COL19A1: variants seen among roughly 807,000 people sequenced by gnomAD.
COL19A1 encodes the protein collagen alpha-1(XIX) chain.
COL19A1 carries 159 observed loss-of-function variants against 190.2 expected under a neutral mutation model. The ratio of observed to expected loss-of-function variants is 0.84; its 90% confidence interval spans 0.73 to 0.95. The LOEUF (loss-of-function observed/expected upper bound fraction) is 0.95. COL19A1 is among the 40% of genes least tolerant of loss of function. The probability of loss-of-function intolerance (pLI) is 0.00; values close to 1 mark genes in which losing one functional copy is unlikely to be tolerated. For missense variants in COL19A1, 1,418 were observed against 1,431.9 expected, an observed-to-expected ratio of 0.99 and a Z score of 0.16; for synonymous variants, 509 against 458.9, an observed-to-expected ratio of 1.11 and a Z score of -1.39.
intron 9 of COL19A1, among the ~76,000 whole-genome samples, chr6:69,953,440 T>G (rs1774234862): frequency 6.6e-6 from 1 of 152,096 alleles, no homozygotes; most frequent in South Asian, 2.1e-4. Context: ...GAATTATCAG[T>G]GAAAAACTAT....
intron 14 of COL19A1, among the ~76,000 whole-genome samples, chr6:70,056,823 G>A (rs1780529721): frequency 6.6e-6 from 1 of 151,824 alleles, no homozygotes; most frequent in African/African-American, 2.4e-5. Flanking sequence ...CCTCTTAAAC[G>A]TTTGATTTTC....
At chr6:70,058,554 C>T (rs1463855652) in intron 14 of COL19A1, among the ~76,000 whole-genome samples, 1 of 151,994 alleles carries the variant, frequency 6.6e-6, no homozygotes, top group Non-Finnish European at 1.5e-5. Flanking sequence ...ATATCTATTT[C>T]CTAGTACACA....
intron 1 of COL19A1, among the ~76,000 whole-genome samples, chr6:69,879,029 G>T (rs1283203699): frequency 2.6e-5 from 4 of 152,204 alleles, no homozygotes; most frequent in Non-Finnish European, 5.9e-5. Flanking sequence ...AATGAAGGCT[G>T]CTTGGAGTTG....
At chr6:69,950,410 G>T (rs1562027382) in intron 9 of COL19A1, among the ~76,000 whole-genome samples, 1 of 151,770 alleles carries the variant, frequency 6.6e-6, no homozygotes, top group Non-Finnish European at 1.5e-5. Flanking sequence ...ATCTAATAAA[G>T]CCTTACTGTT....
At chr6:69,899,555 C>T (rs1770022339) in intron 3 of COL19A1, among the ~76,000 whole-genome samples, 1 of 151,812 alleles carries the variant, frequency 6.6e-6, no homozygotes, top group African/African-American at 2.4e-5. Flanking sequence ...GAAAAAAAAA[C>T]TTATTTAAAA....
chr6:69,957,999 G>A (rs909726176), intron 9 of COL19A1, among the ~76,000 whole-genome samples: 6 of 152,146 alleles, frequency 3.9e-5, no homozygotes, highest in African/African-American at 1.4e-4. Context: ...ACCATTTAAT[G>A]CTGGCCACAG....
intron 15 of COL19A1, among the ~76,000 whole-genome samples, chr6:70,084,612 C>T (rs190979097): frequency 1.5e-4 from 23 of 152,316 alleles, no homozygotes; most frequent in Admixed American, 1.2e-3. Flanking sequence ...TGTCTGGAGG[C>T]TGCCTTGATT....
At chr6:69,996,826 A>C (rs1337097617) in intron 11 of COL19A1, among the ~76,000 whole-genome samples, 1 of 151,980 alleles carries the variant, frequency 6.6e-6, no homozygotes, top group Non-Finnish European at 1.5e-5. Flanking sequence ...CTTTAAATAG[A>C]GTCTGTAAAA....
intron 41 of COL19A1, among the ~76,000 whole-genome samples, chr6:70,174,297 G>T (rs1234357587): frequency 1.3e-5 from 2 of 152,190 alleles, no homozygotes; most frequent in East Asian, 3.9e-4. Flanking sequence ...GCAAGGCACA[G>T]TGGCTCACGC....
At chr6:70,094,541 G>A (rs554328094) in intron 15 of COL19A1, among the ~76,000 whole-genome samples, 143 of 152,236 alleles carry the variant, frequency 9.4e-4, no homozygotes, top group African/African-American at 3.2e-3. Context: ...TCCAATTACT[G>A]CTGTAACCTC....
At chr6:69,918,947 C>T (rs899933702) in intron 4 of COL19A1, among the ~76,000 whole-genome samples, 3 of 152,158 alleles carry the variant, frequency 2.0e-5, no homozygotes, top group Admixed American at 6.5e-5. Context: ...TTCCCCTCCA[C>T]GTGGAGATGC....
chr6:70,170,028 A>G (rs1314107300), intron 40 of COL19A1, among the ~76,000 whole-genome samples: 1 of 152,212 alleles, frequency 6.6e-6, no homozygotes, highest in Non-Finnish European at 1.5e-5. Flanking sequence ...ATTTGAAGAG[A>G]TTAGTCTTCA....
At position 70,146,865 on chromosome 6, in the gene COL19A1, A is replaced by G; in HGVS notation, c.1869A>G (p.Gln623=). The change falls in exon 27 of 51, where the codon CAA becomes CAG. Residue 623 remains glutamine, a synonymous_variant. Coordinates refer to ENST00000620364, the MANE Select transcript of COL19A1 (RefSeq NM_001858.6). ...VHGSPGDIGP[Q]GIGIPGRTGA... Reference sequence around the variant, plus strand: ...GTTCCCCAGGGGACATAGGCCCACAAGGGATAGGAATTCCTGGCAGAACAG... The same window carrying G: ...GTTCCCCAGGGGACATAGGCCCACAGGGGATAGGAATTCCTGGCAGAACAG... The G allele has an allele frequency of 6.3e-7, 1 of 1,584,550 alleles. No individual in the cohort carries two copies. The highest frequency in any genetic ancestry group is 8.6e-7 in the Non-Finnish European group (1 of 1,168,298).
chr6:69,894,971 C>T (rs188906257), intron 2 of COL19A1, among the ~76,000 whole-genome samples: 24 of 152,314 alleles, frequency 1.6e-4, no homozygotes, highest in Non-Finnish European at 2.6e-4. Flanking sequence ...AAAGAAAAAA[C>T]ATTTTTTAAT....
intron 6 of COL19A1, among the ~76,000 whole-genome samples, chr6:69,932,004 C>T (rs1022068613): frequency 6.6e-6 from 1 of 151,986 alleles, no homozygotes; most frequent in South Asian, 2.1e-4. Context: ...TTATTTAATA[C>T]ATTTCAGTGC....
In COL19A1 at chr6:70,193,136, G is replaced by C. The variant is rs548830935; in HGVS notation, c.3094+2755G>C. On this transcript the variant is annotated intron_variant, in intron 48 of 50. Coordinates refer to ENST00000620364, the MANE Select transcript of COL19A1 (RefSeq NM_001858.6). ...AAAGTGACATGTTGAGATATAGAAG[G>C]TGTTCGTTTTACAAGTCCATCAGAC... Among the ~76,000 whole-genome samples, 17 of 151,948 alleles carry C rather than the reference G, an allele frequency of 1.1e-4. No individual in the cohort carries two copies. The South Asian group carries it at 3.5e-3, about 32-fold the overall frequency.
intron 11 of COL19A1, among the ~76,000 whole-genome samples, chr6:69,997,026 TAGAGAG>T (rs1554186399): frequency 1.4e-4 from 20 of 146,976 alleles, no homozygotes; most frequent in African/African-American, 3.7e-4. Context: ...TATATATATA[TAGAGAG>T]AGAGAGAGAG....
chr6:69,950,206 A>G (rs1401892907), intron 9 of COL19A1, among the ~76,000 whole-genome samples: 1 of 151,846 alleles, frequency 6.6e-6, no homozygotes, highest in African/African-American at 2.4e-5. Context: ...CTGTGGTGGC[A>G]TTTTTCCTCT....
At position 70,212,075 on chromosome 6, in the gene COL19A1, G is replaced by T. The variant is rs545633179; in HGVS notation, c.*4801G>T. 6.6e-6 allele frequency among the ~76,000 whole-genome samples: 1 copy of T among 152,142 alleles called. No individual in the cohort carries two copies. Among genetic ancestry groups the T allele is most frequent in the African/African-American group, 2.4e-5 (1 of 41,434 alleles). Reference sequence around the variant, plus strand: ...TAAGTTTATCAGAAGTGTGTGTATTGTGTGACCATACTAAGCTTCTGGGTG... The same window carrying T: ...TAAGTTTATCAGAAGTGTGTGTATTTTGTGACCATACTAAGCTTCTGGGTG... On this transcript the variant is annotated 3_prime_UTR_variant, in exon 51 of 51. Transcript: ENST00000620364.
Sources: gnomAD v4.1 joint callset for allele counts (sites outside exome capture counted in the v4.1 genomes callset) on GRCh38, gnomAD v4.1.1 for gene constraint, MANE v1.5 for transcripts, NCBI Gene and HGNC (gene_info 2026-07-23, HGNC 2026-07-21) for gene names.